The following STIM1 variants were observed in gnomAD, a reference collection of about 807,000 sequenced individuals.
STIM1 encodes the protein stromal interaction molecule 1.
STIM1 carries 25 observed loss-of-function variants against 74.7 expected under a neutral mutation model. The ratio of observed to expected loss-of-function variants is 0.33; its 90% confidence interval spans 0.24 to 0.47. The LOEUF is 0.47. STIM1 is among the 20% of genes least tolerant of loss of function. The pLI is 1.00. For synonymous variants in STIM1, 328 were observed against 348.8 expected (o/e 0.94, Z 0.66); for missense variants, 728 against 920.8 (o/e 0.79, Z 2.71).
chr11:3,915,555 G>A (rs2092631235), intron 1 of STIM1, among the ~76,000 whole-genome samples: 3 of 151,932 alleles, frequency 2.0e-5, no homozygotes, highest in Middle Eastern at 3.4e-3. Flanking sequence ...CCACCAACAC[G>A]CCTGGCTAAT....
chr11:3,879,176 G>A (rs900948053), intron 1 of STIM1, among the ~76,000 whole-genome samples: 3 of 151,972 alleles, frequency 2.0e-5, no homozygotes, highest in Non-Finnish European at 4.4e-5. Flanking sequence ...GGCTGGTCTC[G>A]AACTCCTGAC....
At chr11:4,081,270 T>C (rs1311251049) in intron 7 of STIM1, among the ~76,000 whole-genome samples, 1 of 152,234 alleles carries the variant, frequency 6.6e-6, no homozygotes, top group East Asian at 1.9e-4. Flanking sequence ...AGAAACTCAG[T>C]GTACATAATG....
At chr11:4,035,725 T>G (rs977681305) in intron 3 of STIM1, among the ~76,000 whole-genome samples, 1 of 152,140 alleles carries the variant, frequency 6.6e-6, no homozygotes, top group African/African-American at 2.4e-5. Context: ...TTAAAAAATT[T>G]TAAGATTTTT....
At chr11:3,905,411 T>G in intron 1 of STIM1, among the ~76,000 whole-genome samples, 1 of 151,440 alleles carries the variant, frequency 6.6e-6, no homozygotes, top group Non-Finnish European at 1.5e-5. Flanking sequence ...AGTGGAGACC[T>G]GAGCTGGTAT....
In STIM1 at chr11:3,923,138, A is replaced by G. The variant is rs144674431; in HGVS notation, c.140-44414A>G. Among the ~76,000 whole-genome samples the G allele has an allele frequency of 1.1e-4, 16 of 151,468 alleles. No homozygotes were observed. The East Asian group carries it at 3.1e-3, about 29-fold the overall frequency. ...AAACAAACACTCTTTGCCTATTCCA[A>G]GTTCATAATGATTTCCCCATAATTT... On this transcript the variant is annotated intron_variant, in intron 1 of 12. Transcript: ENST00000526596.
chr11:4,070,495 T>C (rs2094396861), intron 6 of STIM1, among the ~76,000 whole-genome samples: 2 of 152,224 alleles, frequency 1.3e-5, no homozygotes, highest in African/African-American at 4.8e-5. Flanking sequence ...TATGGGGTCA[T>C]TCTTCCTTCT....
intron 3 of STIM1, among the ~76,000 whole-genome samples, chr11:4,039,415 C>T (rs560210114): frequency 2.6e-5 from 4 of 151,746 alleles, no homozygotes; most frequent in South Asian, 4.2e-4. Flanking sequence ...GGTGCAACCC[C>T]GTCTCTACTA....
At chr11:3,956,822 C>CAAAAAA (rs1565127471) in intron 1 of STIM1, among the ~76,000 whole-genome samples, 2 of 43,466 alleles carry the variant, frequency 4.6e-5, no homozygotes, top group Non-Finnish European at 5.1e-5. Flanking sequence ...GACCCTGTCT[C>CAAAAAA]CAAAAAAAAA....
intron 8 of STIM1, 79 bp from the exon 9 acceptor site, chr11:4,082,803 A>G (rs1298717808): frequency 4.2e-6 from 5 of 1,193,942 alleles, no homozygotes; most frequent in African/African-American, 1.5e-5. Flanking sequence ...AGTGGGCCCC[A>G]GCCATAGGGG....
chr11:3,991,379 T>C (rs7928763), intron 2 of STIM1, among the ~76,000 whole-genome samples: 115,570 of 150,722 alleles, frequency 0.77, 45,405 homozygotes, highest in East Asian at 0.9. Context: ...CCATGTTGCC[T>C]GGGCTGGTCT....
chr11:3,856,732 C>T (rs2090386800), intron 1 of STIM1, among the ~76,000 whole-genome samples: 1 of 152,140 alleles, frequency 6.6e-6, no homozygotes, highest in Non-Finnish European at 1.5e-5. Context: ...GAAGAATGGC[C>T]TGGTGAGATG....
chr11:4,046,777 G>A (rs1481372990), intron 3 of STIM1, among the ~76,000 whole-genome samples: 3 of 152,126 alleles, frequency 2.0e-5, no homozygotes, highest in Non-Finnish European at 4.4e-5. Flanking sequence ...ATCCTCCTAA[G>A]TAGCTGGGAC....
intron 1 of STIM1, among the ~76,000 whole-genome samples, chr11:3,885,027 A>G (rs1370406601): frequency 6.6e-6 from 1 of 152,034 alleles, no homozygotes; most frequent in African/African-American, 2.4e-5. Flanking sequence ...TCTAATGGAT[A>G]TGGGGTTTCT....
intron 1 of STIM1, among the ~76,000 whole-genome samples, chr11:3,890,707 CA>C (rs139318134): frequency 1.3e-5 from 2 of 149,572 alleles, no homozygotes; most frequent in African/African-American, 4.9e-5. Context: ...GACTCTATTG[CA>C]AAAAAAAAGA....
intron 3 of STIM1, among the ~76,000 whole-genome samples, chr11:4,041,264 T>G (rs2094144853): frequency 6.6e-6 from 1 of 152,206 alleles, no homozygotes; most frequent in Admixed American, 6.5e-5. Context: ...TTTCCTTGTA[T>G]ATTCCCCTCT....
chr11:3,938,851 AG>A (rs541967033), intron 1 of STIM1, among the ~76,000 whole-genome samples: 2 of 152,208 alleles, frequency 1.3e-5, no homozygotes, highest in Non-Finnish European at 2.9e-5. Context: ...TCCCAAAAAA[AG>A]ACAGTTTAAG....
At chr11:4,080,096 T>C (rs2094457392) in intron 7 of STIM1, among the ~76,000 whole-genome samples, 1 of 151,968 alleles carries the variant, frequency 6.6e-6, no homozygotes, top group African/African-American at 2.4e-5. Flanking sequence ...ATACAAAAAT[T>C]AGCTGGGCAT....
intron 2 of STIM1, chr11:3,973,340 C>T: frequency 2.3e-6 from 1 of 439,892 alleles, no homozygotes; most frequent in Non-Finnish European, 4.4e-6. Context: ...AAACACTAGC[C>T]ATCTCTTTCT....
intron 1 of STIM1, chr11:3,892,421 ATCT>A (rs907138899): frequency 9.6e-6 from 14 of 1,452,928 alleles, no homozygotes; most frequent in African/African-American, 4.1e-5. Flanking sequence ...AGCAGTGGTG[ATCT>A]TCTTGCTGGT....
Sources: allele counts gnomAD v4.1 joint callset (sites outside exome capture counted in the v4.1 genomes callset), GRCh38; gene constraint gnomAD v4.1.1; transcripts MANE v1.5; gene names NCBI Gene and HGNC (gene_info 2026-07-23, HGNC 2026-07-21).